ZBTB44: variants seen among roughly 807,000 people sequenced by gnomAD.
ZBTB44 encodes the protein zinc finger and BTB domain containing 44.
Under a neutral mutation model 54.0 loss-of-function variants are expected in ZBTB44, and 15 were observed. The ratio of observed to expected loss-of-function variants is 0.28; its 90% CI spans 0.19 to 0.43. The LOEUF (loss-of-function observed/expected upper bound fraction) is 0.43. ZBTB44 is among the 20% of genes least tolerant of loss of function. The pLI, the probability that ZBTB44 is intolerant of heterozygous loss-of-function variation, is 1.00. For synonymous variants in ZBTB44, 230 were observed against 250.1 expected (o/e 0.92, Z 0.76); for missense variants, 487 against 707.1 (o/e 0.69, Z 3.53).
At chr11:130,310,397 C>T (rs970353567) in intron 1 of ZBTB44, 14 of 151,860 alleles carry the variant, frequency 9.2e-5, no homozygotes, top group African/African-American at 2.2e-4. Flanking sequence ...TCAAAACTCC[C>T]GTGCTTATCA....
chr11:130,250,064 G>A (rs936300615), intron 2 of ZBTB44, among the ~76,000 whole-genome samples: 2 of 152,206 alleles, frequency 1.3e-5, no homozygotes, highest in African/African-American at 4.8e-5. Flanking sequence ...GACCTGGGAC[G>A]ATCAAGCTTG....
chr11:130,306,823 T>A (rs1166917344), intron 1 of ZBTB44, among the ~76,000 whole-genome samples: 1 of 152,004 alleles, frequency 6.6e-6, no homozygotes, highest in Non-Finnish European at 1.5e-5. Context: ...TTCTCACTTA[T>A]AAGTGGGAGC....
chr11:130,236,335 G>A lies in ZBTB44; in HGVS notation c.1568+458C>T, dbSNP rs1954109516. The A allele has an allele frequency of 3.0e-6, 3 of 997,418 alleles. No individual in the cohort carries two copies. In the South Asian group the frequency reaches 5.8e-5, roughly 19 times the overall value. The allele number at this position is 997,418 out of a possible 1,614,324, so 61.8% of individuals were successfully genotyped here. ...CATCACACCCACTATAGTTGCCTTTGAAATTTTTCTTACTGGCCAATGGCT... is the reference window on the plus strand; with the variant it reads ...CATCACACCCACTATAGTTGCCTTTAAAATTTTTCTTACTGGCCAATGGCT... On this transcript the variant is annotated intron_variant, in intron 5 of 7. Transcript: ENST00000357899.
chr11:130,243,637 A>G (rs1013361213), intron 2 of ZBTB44, among the ~76,000 whole-genome samples: 1 of 152,216 alleles, frequency 6.6e-6, no homozygotes, highest in Non-Finnish European at 1.5e-5. Context: ...AGGACAATGC[A>G]CATGAGCATG....
At chr11:130,266,592 A>T (rs557676312) in intron 1 of ZBTB44, among the ~76,000 whole-genome samples, 1 of 152,334 alleles carries the variant, frequency 6.6e-6, no homozygotes, top group East Asian at 1.9e-4. Context: ...AGACTGTTTG[A>T]CATTCATGGG....
At chr11:130,248,573 A>G (rs1202882114) in intron 2 of ZBTB44, among the ~76,000 whole-genome samples, 1 of 151,872 alleles carries the variant, frequency 6.6e-6, no homozygotes, top group Non-Finnish European at 1.5e-5. Flanking sequence ...CTCAGGAGGC[A>G]GAGGTTGCAG....
chr11:130,235,335 G>A (rs1170956888), intron 5 of ZBTB44, among the ~76,000 whole-genome samples: 2 of 152,122 alleles, frequency 1.3e-5, no homozygotes, highest in East Asian at 3.9e-4. Context: ...GTAGTTAACA[G>A]GAACACTATT....
At chr11:130,236,750 T>C (rs1390258901) in intron 5 of ZBTB44, 43 bp downstream of exon 5, 2 of 1,333,108 alleles carry the variant, frequency 1.5e-6, no homozygotes, top group African/African-American at 3.0e-5. Flanking sequence ...AAAGAGAGTT[T>C]AGAAAGCAGT....
intron 7 of ZBTB44, chr11:130,232,270 CTG>C (rs1186437472): frequency 6.6e-6 from 1 of 152,146 alleles, no homozygotes; most frequent in African/African-American, 2.4e-5. Flanking sequence ...GACTAAAGAA[CTG>C]TATTTTCTGT....
rs1385346417 is a variant in ZBTB44 at position 130,245,248 on chromosome 11, CT to C, written c.1019-5353del. ...ATCAAACGGCATTCCTGCTTTTCCC[CT>C]ATGTCTACTTATGCAAGTTACTCCC... is the stretch of plus-strand genomic sequence containing the variant. On this transcript the variant is annotated intron_variant, in intron 2 of 7. Coordinates refer to ENST00000357899, the MANE Select transcript of ZBTB44 (RefSeq NM_001301098.2). Among the ~76,000 whole-genome samples the C allele has an allele frequency of 4.6e-5, 7 of 152,258 alleles. No homozygotes were observed. The South Asian group carries it at 8.3e-4, about 18-fold the overall frequency.
chr11:130,290,313 C>G lies in ZBTB44; in HGVS notation c.-57+24062G>C, dbSNP rs144017051. 1.3e-3 allele frequency among the ~76,000 whole-genome samples: 200 copies of G among 152,294 alleles called. 1 individual carries two copies. Among genetic ancestry groups the G allele is most frequent in the African/African-American group, 4.6e-3 (191 of 41,558 alleles). ...TCCTTCGGAGGGAAGGAGCACTTGC[C>G]AACATCTTGATCTCAACCCAGTTAT... On this transcript the variant is annotated intron_variant, in intron 1 of 7. Transcript: ENST00000357899.
intron 1 of ZBTB44, chr11:130,296,442 A>G (rs1941653603): frequency 1.5e-6 from 2 of 1,291,720 alleles, no homozygotes; most frequent in Non-Finnish European, 2.2e-6. Flanking sequence ...TAAATGTACG[A>G]CCACATTCTT....
At chr11:130,288,399 A>T (rs1490915279) in intron 1 of ZBTB44, among the ~76,000 whole-genome samples, 9 of 151,580 alleles carry the variant, frequency 5.9e-5, no homozygotes, top group African/African-American at 2.2e-4. Flanking sequence ...AAATAAATAA[A>T]ATAAAATAAA....
chr11:130,309,446 A>G (rs1275202059), intron 1 of ZBTB44, among the ~76,000 whole-genome samples: 1 of 152,124 alleles, frequency 6.6e-6, no homozygotes, highest in South Asian at 2.1e-4. Context: ...CTCCCTCTTA[A>G]AACTTCATTT....
chr11:130,296,525 G>T (rs1941661712), intron 1 of ZBTB44: 2 of 891,782 alleles, frequency 2.2e-6, no homozygotes, highest in Admixed American at 2.1e-5. Context: ...CATTCCTCAA[G>T]TCAACTGGAT....
chr11:130,305,238 T>C (rs867318293), intron 1 of ZBTB44, among the ~76,000 whole-genome samples: 12 of 152,026 alleles, frequency 7.9e-5, no homozygotes, highest in Non-Finnish European at 1.0e-4. Flanking sequence ...CATCATTCTA[T>C]AGAACTAGAA....
intron 1 of ZBTB44, among the ~76,000 whole-genome samples, chr11:130,275,905 C>T (rs1028480169): frequency 1.1e-4 from 17 of 150,520 alleles, no homozygotes; most frequent in Non-Finnish European, 2.4e-4. Context: ...GGATTACAGG[C>T]ATGAGCCACC....
intron 2 of ZBTB44, among the ~76,000 whole-genome samples, chr11:130,245,233 A>G (rs1954592931): frequency 6.6e-6 from 1 of 152,022 alleles, no homozygotes. Flanking sequence ...ATCAAACGGC[A>G]TTCCTGCTTT....
intron 3 of ZBTB44, 27 bp from the exon 4 acceptor site, chr11:130,238,634 A>G: frequency 6.3e-7 from 1 of 1,595,536 alleles, no homozygotes; most frequent in Non-Finnish European, 8.5e-7. Flanking sequence ...AAAGAAGGCA[A>G]CCAGGCTCTG....
Sources: gnomAD v4.1 joint callset for allele counts (sites outside exome capture counted in the v4.1 genomes callset) on GRCh38, gnomAD v4.1.1 for gene constraint, MANE v1.5 for transcripts, NCBI Gene and HGNC (gene_info 2026-07-23, HGNC 2026-07-21) for gene names.